SGMS1: variants seen among roughly 807,000 people sequenced by gnomAD.
SGMS1 encodes phosphatidylcholine:ceramide cholinephosphotransferase 1.
A neutral mutation model predicts 46.2 loss-of-function variants in SGMS1; 13 were observed. The observed-to-expected ratio is 0.28, with a 90% CI of 0.18 to 0.45. SGMS1 has a LOEUF of 0.45. Among genes scored for constraint, SGMS1 ranks in the 20% least tolerant of loss-of-function variants. The probability of loss-of-function intolerance (pLI) is 1.00; values close to 1 mark genes in which losing one functional copy is unlikely to be tolerated. For missense variants in SGMS1, 324 were observed against 519.9 expected (o/e 0.62, Z 3.66); for synonymous variants, 203 against 187.8 (o/e 1.08, Z -0.66).
intron 2 of SGMS1, among the ~76,000 whole-genome samples, chr10:50,528,875 G>C (rs1052102094): frequency 2.6e-5 from 4 of 152,192 alleles, no homozygotes; most frequent in African/African-American, 7.2e-5. Context: ...CTGACTGGGA[G>C]GTTGTGATAT....
chr10:50,334,658 A>T (rs1411404455), intron 7 of SGMS1: 1 of 152,196 alleles, frequency 6.6e-6, no homozygotes, highest in Non-Finnish European at 1.5e-5. Flanking sequence ...ACACTTAATA[A>T]ATTTTAGTGT....
intron 1 of SGMS1, among the ~76,000 whole-genome samples, chr10:50,591,324 A>G (rs911084430): frequency 6.6e-6 from 1 of 152,068 alleles, no homozygotes; most frequent in African/African-American, 2.4e-5. Context: ...TTGTCTCACT[A>G]TACAGATCAC....
intron 6 of SGMS1, among the ~76,000 whole-genome samples, chr10:50,391,324 T>C (rs988642776): frequency 6.6e-6 from 1 of 152,244 alleles, no homozygotes; most frequent in Non-Finnish European, 1.5e-5. Context: ...GCAGTGCTGT[T>C]GTGGGACTTG....
At chr10:50,344,680 T>G (rs1406351478) in intron 6 of SGMS1, among the ~76,000 whole-genome samples, 1 of 151,946 alleles carries the variant, frequency 6.6e-6, no homozygotes, top group East Asian at 1.9e-4. Flanking sequence ...GCATCCTGGC[T>G]AACACGGTGA....
chr10:50,385,065 G>GT (rs1051543412), intron 6 of SGMS1, among the ~76,000 whole-genome samples: 17 of 151,422 alleles, frequency 1.1e-4, no homozygotes, highest in African/African-American at 2.2e-4. Flanking sequence ...AAGGGTGCTA[G>GT]TTTTTTTTTA....
intron 2 of SGMS1, among the ~76,000 whole-genome samples, chr10:50,558,749 C>T (rs1054663120): frequency 2.0e-5 from 3 of 152,166 alleles, no homozygotes; most frequent in Admixed American, 2.0e-4. Flanking sequence ...GGATGGAGAA[C>T]TTTATGATGA....
At chr10:50,329,239 A>T (rs1847577524) in intron 7 of SGMS1, among the ~76,000 whole-genome samples, 1 of 152,216 alleles carries the variant, frequency 6.6e-6, no homozygotes, top group Non-Finnish European at 1.5e-5. Context: ...GTGATTTCAG[A>T]ATTATTTAAA....
At chr10:50,563,438 C>T (rs1046496633) in intron 2 of SGMS1, among the ~76,000 whole-genome samples, 5 of 152,196 alleles carry the variant, frequency 3.3e-5, no homozygotes, top group African/African-American at 1.2e-4. Flanking sequence ...ACGTTAAATC[C>T]TCTTACATAA....
chr10:50,569,921 TC>T (rs1341207649), intron 2 of SGMS1, among the ~76,000 whole-genome samples: 1 of 152,144 alleles, frequency 6.6e-6, no homozygotes, highest in Non-Finnish European at 1.5e-5. Context: ...CAAGACTGCA[TC>T]TGGCACCTAG....
chr10:50,372,739 G>T (rs1848460481), intron 6 of SGMS1, among the ~76,000 whole-genome samples: 1 of 151,238 alleles, frequency 6.6e-6, no homozygotes, highest in Non-Finnish European at 1.5e-5. Context: ...ACATGGGAAA[G>T]TATATACCTC....
At chr10:50,480,229 T>TTGGTCCACA (rs1335591067) in intron 3 of SGMS1, among the ~76,000 whole-genome samples, 1 of 152,092 alleles carries the variant, frequency 6.6e-6, no homozygotes, top group Non-Finnish European at 1.5e-5. Flanking sequence ...CTTTCTGGTT[T>TTGGTCCACA]TGGTCCACAT....
At chr10:50,365,010 T>C (rs1244529745) in intron 6 of SGMS1, among the ~76,000 whole-genome samples, 1 of 152,008 alleles carries the variant, frequency 6.6e-6, no homozygotes, top group Non-Finnish European at 1.5e-5. Context: ...ACACCTGTAA[T>C]CCCAGCACTT....
At chr10:50,383,874 G>A (rs1848644535) in intron 6 of SGMS1, among the ~76,000 whole-genome samples, 1 of 152,170 alleles carries the variant, frequency 6.6e-6, no homozygotes, top group South Asian at 2.1e-4. Context: ...TATTTAAAAC[G>A]AGGTAGCTAT....
chr10:50,390,986 C>T (rs1023910991), intron 6 of SGMS1, among the ~76,000 whole-genome samples: 10 of 152,146 alleles, frequency 6.6e-5, no homozygotes, highest in African/African-American at 2.4e-4. Context: ...AGGAATAAAA[C>T]GGCTCCAAGA....
rs1847188475 is a variant in SGMS1 at position 50,306,946 on chromosome 10, T to A, written c.*196A>T. 1 of 562,206 alleles carries A rather than the reference T, an allele frequency of 1.8e-6. No individual in the cohort carries two copies. The highest frequency in any genetic ancestry group is 3.1e-6 in the Non-Finnish European group (1 of 322,214). The allele number at this position is 562,206 out of a possible 1,614,324, so 34.8% of individuals were successfully genotyped here. A position where few individuals can be genotyped will look rare whatever the true frequency, so the allele number is the denominator to read the frequency against. On this transcript the variant is annotated 3_prime_UTR_variant, in exon 11 of 11. Transcript: ENST00000361781. ...GTGTACAGTGCATGATAGGTTAAAT[T>A]TTTCTTTATTGTTGTCCAACGCAGG...
chr10:50,452,632 C>A (rs967178948), intron 5 of SGMS1, among the ~76,000 whole-genome samples: 1 of 152,028 alleles, frequency 6.6e-6, no homozygotes, highest in Non-Finnish European at 1.5e-5. Context: ...AAGGCCACAA[C>A]CCTAGTAATA....
chr10:50,493,022 C>T (rs962201136), intron 3 of SGMS1, among the ~76,000 whole-genome samples: 10 of 152,188 alleles, frequency 6.6e-5, no homozygotes, highest in East Asian at 3.9e-4. Flanking sequence ...CATGAGGCAA[C>T]GAACCTCGGG....
chr10:50,480,938 C>T (rs1837471150), intron 3 of SGMS1, among the ~76,000 whole-genome samples: 1 of 151,874 alleles, frequency 6.6e-6, no homozygotes, highest in Non-Finnish European at 1.5e-5. Context: ...CAGATCCATC[C>T]CTTCTTACTG....
At position 50,337,599 on chromosome 10, in the gene SGMS1, C is replaced by T. The variant is rs191284043; in HGVS notation, c.623+5893G>A. 3.8e-3 allele frequency among the ~76,000 whole-genome samples: 580 copies of T among 152,180 alleles called. 6 individuals are homozygous for T. Among genetic ancestry groups the T allele is most frequent in the African/African-American group, 0.014 (562 of 41,502 alleles). ...AGAAGAGGAGTTAAGTAGTTTGATT[C>T]AATCAACTTAATGTGAAAAGAAACA... On this transcript the variant is annotated intron_variant, in intron 7 of 10. Transcript: ENST00000361781.
Sources: allele counts gnomAD v4.1 joint callset (sites outside exome capture counted in the v4.1 genomes callset), GRCh38; gene constraint gnomAD v4.1.1; transcripts MANE v1.5; gene names NCBI Gene and HGNC (gene_info 2026-07-23, HGNC 2026-07-21).